Variants in CLBA1 observed in about 807,000 individuals in gnomAD.
CLBA1 encodes uncharacterized protein CLBA1.
Under a neutral mutation model 28.8 loss-of-function variants are expected in CLBA1, and 30 were observed. The observed-to-expected ratio is 1.04, with a 90% CI of 0.78 to 1.41. The LOEUF is 1.41. Ranked by LOEUF, CLBA1 falls within the 40% of genes most tolerant of loss-of-function variation. The pLI is 0.00. For synonymous variants in CLBA1, 160 were observed against 152.8 expected (o/e 1.05, Z -0.35); for missense variants, 451 against 412.3 (o/e 1.09, Z -0.81).
chr14:104,992,098 C>T (rs1298059778), intron 3 of CLBA1, among the ~76,000 whole-genome samples: 2 of 148,370 alleles, frequency 1.3e-5, no homozygotes, highest in Non-Finnish European at 3.0e-5. Flanking sequence ...GCCTCACACA[C>T]CACCACATGC....
downstream of CLBA1, among the ~76,000 whole-genome samples, chr14:104,998,669 T>C (rs1900209793): frequency 6.6e-6 from 1 of 152,216 alleles, no homozygotes; most frequent in Non-Finnish European, 1.5e-5. Context: ...AGTGAGGAAT[T>C]AAGGCCTGGC....
In CLBA1 at chr14:104,991,482, G is replaced by T. The variant is rs1555405133; in HGVS notation, c.570-9G>T. 2.5e-6 allele frequency: 4 copies of T among 1,613,686 alleles called. No homozygotes were observed. The Admixed American group carries it at 6.7e-5, about 27-fold the overall frequency. On this transcript the variant is annotated splice_polypyrimidine_tract_variant and intron_variant, in intron 2 of 4. Transcript: ENST00000547315. ...AGGTCACCTTTTAACAAGTGCATCT[G>T]TTTTCCAGTAACGAATCCAGAAAAC...
At chr14:104,993,857 G>A (rs1432861956) in intron 4 of CLBA1, 15 of 985,334 alleles carry the variant, frequency 1.5e-5, no homozygotes, top group African/African-American at 8.7e-5. Flanking sequence ...GCAGGGAGGC[G>A]CAGGGGTAAA....
chr14:104,992,025 TGCACACGCCGCCAC>T (rs1184415765), intron 3 of CLBA1, among the ~76,000 whole-genome samples: 2 of 99,074 alleles, frequency 2.0e-5, no homozygotes, highest in Non-Finnish European at 3.9e-5. Context: ...CATGCCGCCA[TGCACACGCCGCCAC>T]GCACACGCCA....
rs1408224346 is a variant in CLBA1, at chr14:104,989,000, C to G, written c.481C>G (p.Gln161Glu). The change falls in exon 2 of 5, where the codon CAG becomes GAG. Residue 161 changes from glutamine to glutamate, a missense_variant. Coordinates refer to ENST00000547315, the MANE Select transcript of CLBA1 (RefSeq NM_174891.4). ...TGCTTTTCAAGAAATAACAGTCCAGCAGGCAGCTGAAGACGTTTCCACCAT... is the reference window on the plus strand; with the variant it reads ...TGCTTTTCAAGAAATAACAGTCCAGGAGGCAGCTGAAGACGTTTCCACCAT... ...KCAFQEITVQ[Q>E]AAEDVSTIDH... is the part of the protein sequence containing the mutation. 3.7e-6 allele frequency: 6 copies of G among 1,612,950 alleles called. No homozygotes were observed. Among genetic ancestry groups the G allele is most frequent in the Non-Finnish European group, 5.1e-6 (6 of 1,179,134 alleles).
Position 104,989,087 on chromosome 14 carries a change from T to C in CLBA1, c.568T>C (p.Cys190Arg), listed in dbSNP as rs1214396777. 1.2e-6 allele frequency: 2 copies of C among 1,606,362 alleles called. No individual in the cohort carries two copies. Among genetic ancestry groups the C allele is most frequent in the Non-Finnish European group, 1.7e-6 (2 of 1,177,204 alleles). ...TGGCGTTGAACGTGTACATAAATTG[T>C]GGTAATGAACTGAAGAAATATTTCT... ...KPGVERVHKL[C>R]NESRKLWRAL... The change falls in exon 2 of 5, where the codon TGT becomes CGT. Residue 190 changes from cysteine to arginine, a missense_variant and splice_region_variant. By Grantham distance (180) the Cys-to-Arg change is radical. Coordinates refer to ENST00000547315, the MANE Select transcript of CLBA1 (RefSeq NM_174891.4).
At chr14:104,990,975 AAT>A (rs1356699338) in intron 2 of CLBA1, 1 of 156,514 alleles carries the variant, frequency 6.4e-6, no homozygotes, top group Non-Finnish European at 1.4e-5. Context: ...TAAATGAACA[AAT>A]AAATGAGACA....
At chr14:104,989,216 T>C in intron 2 of CLBA1, 128 bp downstream of exon 2, 1 of 932,912 alleles carries the variant, frequency 1.1e-6, no homozygotes, top group East Asian at 2.6e-5. Flanking sequence ...CTGCCATCTG[T>C]GGGTCATAGG....
intron 2 of CLBA1, chr14:104,989,899 C>G: frequency 2.8e-6 from 1 of 356,430 alleles, no homozygotes. Flanking sequence ...ATTCTGGGCT[C>G]CAGCCCTGGC....
At position 104,993,010 on chromosome 14, in the gene CLBA1, CCTCA is replaced by C. The variant is rs1900079659; in HGVS notation, c.765_768del (p.Thr256SerfsTer12). The C allele has an allele frequency of 6.2e-7, 1 of 1,614,120 alleles. No individual in the cohort carries two copies. The highest frequency in any genetic ancestry group is 8.5e-7 in the Non-Finnish European group (1 of 1,180,028). On this transcript the variant is annotated frameshift_variant, in exon 4 of 5. Transcript: ENST00000547315. LOFTEE classifies it high-confidence loss of function. ...GTGACCTCAAAGAGCCTGAAGGACT[CCTCA>C]CTGTCAGCAGCTTCTGTCTCCAGCA...
At chr14:104,986,915 C>T (rs761718230) in intron 1 of CLBA1, 61 bp downstream of exon 1, 15 of 1,555,870 alleles carry the variant, frequency 9.6e-6, no homozygotes, top group Non-Finnish European at 1.2e-5. Context: ...AAGAGGCCTA[C>T]AGCCCTCGAA....
At chr14:104,999,127 C>A, downstream of CLBA1, 1 of 790,516 alleles carries the variant, frequency 1.3e-6, no homozygotes, top group Non-Finnish European at 1.5e-6. Context: ...CTTTCCTCTG[C>A]CTGCTCCTGC....
chr14:104,993,037 G>A lies in CLBA1; in HGVS notation c.789G>A (p.Gln263=), dbSNP rs1214185597. The part of the protein sequence containing the change: ...GLLTVSSFCL[Q]HCKALIQTKL... ...TCACTGTCAGCAGCTTCTGTCTCCA[G>A]CATTGCAAAGCCCTGATCCAGACCA... The change falls in exon 4 of 5, where the codon CAG becomes CAA. Residue 263 remains glutamine, a synonymous_variant. Transcript: ENST00000547315. 12 of 1,613,944 alleles carry A rather than the reference G, an allele frequency of 7.4e-6. No homozygotes were observed. Among genetic ancestry groups the A allele is most frequent in the Non-Finnish European group, 8.5e-6 (10 of 1,180,022 alleles).
At chr14:104,991,671 C>T (rs1260523287) in intron 3 of CLBA1, 51 bp downstream of exon 3, 9 of 1,560,614 alleles carry the variant, frequency 5.8e-6, no homozygotes, top group Non-Finnish European at 7.8e-6. Flanking sequence ...TTGAACTTCA[C>T]TGTCACCAGT....
Position 104,995,449 on chromosome 14 carries a change from C to A in CLBA1, c.*690C>A. On this transcript the variant is annotated 3_prime_UTR_variant, in exon 5 of 5. Coordinates refer to ENST00000547315, the MANE Select transcript of CLBA1 (RefSeq NM_174891.4). ...ATCTGCTAAGGAAAACTGTGCTCTTCGAAGGGCAGAGCCAAGAAGTCAGCC... is the reference window on the plus strand; with the variant it reads ...ATCTGCTAAGGAAAACTGTGCTCTTAGAAGGGCAGAGCCAAGAAGTCAGCC... 1 of 985,384 alleles carries A rather than the reference C, an allele frequency of 1.0e-6. No individual in the cohort carries two copies. Among genetic ancestry groups the A allele is most frequent in the Non-Finnish European group, 1.2e-6 (1 of 829,930 alleles). 61.0% of individuals were successfully genotyped at this position (985,384 alleles called of 1,614,324 possible).
downstream of CLBA1, among the ~76,000 whole-genome samples, chr14:104,996,321 C>A (rs571672292): frequency 1.3e-5 from 2 of 152,342 alleles, no homozygotes; most frequent in African/African-American, 4.8e-5. Context: ...GACCAGGCGA[C>A]GTACATGCAA....
intron 2 of CLBA1, chr14:104,989,641 T>C (rs1194157394): frequency 2.2e-6 from 1 of 456,150 alleles, no homozygotes; most frequent in South Asian, 1.5e-5. Flanking sequence ...GGGACACACT[T>C]TCAACTGAGC....
At chr14:104,988,393 C>T (rs1051889140) in intron 1 of CLBA1, among the ~76,000 whole-genome samples, 1 of 147,916 alleles carries the variant, frequency 6.8e-6, no homozygotes, top group Non-Finnish European at 1.5e-5. Flanking sequence ...AGTGCAGTGG[C>T]ACAATCTCGG....
intron 3 of CLBA1, among the ~76,000 whole-genome samples, chr14:104,992,480 A>G (rs1237017246): frequency 6.6e-6 from 1 of 152,238 alleles, no homozygotes; most frequent in Non-Finnish European, 1.5e-5. Flanking sequence ...GGGCATGAAA[A>G]TGGTTGCCCT....
Sources: gnomAD v4.1 joint callset for allele counts (sites outside exome capture counted in the v4.1 genomes callset) on GRCh38, gnomAD v4.1.1 for gene constraint, MANE v1.5 for transcripts, NCBI Gene and HGNC (gene_info 2026-07-23, HGNC 2026-07-21) for gene names.